The following IFT25 variants were observed in gnomAD, a reference collection of about 807,000 sequenced individuals.
IFT25 encodes the protein intraflagellar transport 25.
chr1:53,925,010 TCTC>T, the IFT25 span, among the ~76,000 whole-genome samples: 3 of 152,222 alleles, frequency 2.0e-5, no homozygotes, highest in Non-Finnish European at 2.9e-5. Context: ...ACCCCTTCTT[TCTC>T]CTCTAGTCCT....
the IFT25 span, among the ~76,000 whole-genome samples, chr1:53,941,386 G>A: frequency 0.018 from 2,719 of 152,110 alleles, 91 homozygotes; most frequent in African/African-American, 0.062. Context: ...CACTGTGCCC[G>A]GCCAATATCA....
chr1:53,937,420 A>C, the IFT25 span, among the ~76,000 whole-genome samples: 28 of 152,228 alleles, frequency 1.8e-4, no homozygotes, highest in Admixed American at 3.3e-4. Flanking sequence ...GCCTGGCCAG[A>C]AATTAACTTT....
the IFT25 span, among the ~76,000 whole-genome samples, chr1:53,930,693 T>C: frequency 6.6e-6 from 1 of 152,172 alleles, no homozygotes; most frequent in Non-Finnish European, 1.5e-5. Context: ...CATCTCTACA[T>C]TGGCACTTAA....
At chr1:53,920,695 G>A in the IFT25 span, among the ~76,000 whole-genome samples, 2 of 152,198 alleles carry the variant, frequency 1.3e-5, no homozygotes, top group African/African-American at 4.8e-5. Flanking sequence ...GGCCGGGTGT[G>A]GTGGCTCACG....
the IFT25 span, chr1:53,923,490 G>C: frequency 6.2e-6 from 1 of 161,074 alleles, no homozygotes; most frequent in South Asian, 1.7e-4. Flanking sequence ...CTTATTTGTT[G>C]CTGATCCTAT....
At chr1:53,919,970 A>G in the IFT25 span, among the ~76,000 whole-genome samples, 4 of 151,830 alleles carry the variant, frequency 2.6e-5, no homozygotes, top group African/African-American at 9.7e-5. Flanking sequence ...TGTTATTTTT[A>G]ACTTTTTTTG....
chr1:53,922,725 A>G, the IFT25 span, among the ~76,000 whole-genome samples: 1 of 152,318 alleles, frequency 6.6e-6, no homozygotes, highest in East Asian at 1.9e-4. Flanking sequence ...AAATTAGTTT[A>G]AATGTATGCC....
At chr1:53,915,463 T>C in the IFT25 span, among the ~76,000 whole-genome samples, 1 of 152,058 alleles carries the variant, frequency 6.6e-6, no homozygotes, top group South Asian at 2.1e-4. Context: ...ATTAATATCA[T>C]TAAAAGAAAA....
chr1:53,933,676 A>T, the IFT25 span, among the ~76,000 whole-genome samples: 1 of 152,198 alleles, frequency 6.6e-6, no homozygotes, highest in Admixed American at 6.5e-5. Flanking sequence ...CCAGTCTGAC[A>T]ATCTGATATT....
chr1:53,940,116 C>T, the IFT25 span: 1 of 1,208,238 alleles, frequency 8.3e-7, no homozygotes, highest in Non-Finnish European at 1.2e-6. Flanking sequence ...TAAAAAATAA[C>T]AAAAAAAGCA....
At chr1:53,927,773 G>C in the IFT25 span, among the ~76,000 whole-genome samples, 3 of 152,088 alleles carry the variant, frequency 2.0e-5, no homozygotes, top group Non-Finnish European at 2.9e-5. Context: ...CAAGACCTTA[G>C]GTTATAACAC....
chr1:53,914,576 T>C, the IFT25 span, among the ~76,000 whole-genome samples: 1 of 152,222 alleles, frequency 6.6e-6, no homozygotes, highest in African/African-American at 2.4e-5. Context: ...TTCTGTCTTA[T>C]AAACATCATT....
the IFT25 span, chr1:53,924,031 T>G: frequency 1.2e-6 from 1 of 833,348 alleles, no homozygotes; most frequent in East Asian, 2.4e-5. Flanking sequence ...CAGCAAAATA[T>G]GATATCTGGT....
the IFT25 span, chr1:53,923,681 G>T: frequency 2.5e-6 from 1 of 397,768 alleles, no homozygotes; most frequent in African/African-American, 2.1e-5. Flanking sequence ...AAAAATAAAT[G>T]AATTGTTTTA....
At chr1:53,931,851 T>A in the IFT25 span, among the ~76,000 whole-genome samples, 1 of 152,240 alleles carries the variant, frequency 6.6e-6, no homozygotes, top group African/African-American at 2.4e-5. Flanking sequence ...ATTTCTGCTC[T>A]CACCTTTACT....
At chr1:53,945,771 T>A in the IFT25 span, 1 of 94,796 alleles carries the variant, frequency 1.1e-5, no homozygotes, top group South Asian at 3.7e-4. Flanking sequence ...CGGCCACCGC[T>A]GAGTTTCCGG....
At chr1:53,912,210 G>A in the IFT25 span, among the ~76,000 whole-genome samples, 2 of 152,142 alleles carry the variant, frequency 1.3e-5, no homozygotes, top group Non-Finnish European at 2.9e-5. Flanking sequence ...CTTCCAATTC[G>A]TGTCTACAAA....
At chr1:53,926,500 A>G in the IFT25 span, among the ~76,000 whole-genome samples, 1 of 152,198 alleles carries the variant, frequency 6.6e-6, no homozygotes, top group African/African-American at 2.4e-5. Context: ...TAACCATAAT[A>G]CCACCATCAT....
the IFT25 span, chr1:53,930,018 ATT>A: frequency 6.5e-7 from 1 of 1,528,286 alleles, no homozygotes; most frequent in Non-Finnish European, 8.7e-7. Flanking sequence ...AAAAAAAAAA[ATT>A]AATGTAAGAT....
Sources: allele counts gnomAD v4.1 joint callset (sites outside exome capture counted in the v4.1 genomes callset), GRCh38; gene constraint gnomAD v4.1.1; transcripts MANE v1.5; gene names NCBI Gene and HGNC (gene_info 2026-07-23, HGNC 2026-07-21).